Variants in VEZT observed in about 807,000 individuals in gnomAD.
The protein encoded by VEZT is vezatin.
A neutral mutation model predicts 79.9 loss-of-function variants in VEZT; 39 were observed. That is an observed-to-expected ratio of 0.49 (90% CI 0.38 to 0.64). The LOEUF is 0.64. VEZT is among the 30% of genes least tolerant of loss of function. VEZT has a pLI of 0.00. For synonymous variants in VEZT, 325 were observed against 327.6 expected (o/e 0.99, Z 0.09); for missense variants, 837 against 893.1 (o/e 0.94, Z 0.80).
At chr12:95,296,826 G>A (rs1284594374) in intron 11 of VEZT, 3 of 152,472 alleles carry the variant, frequency 2.0e-5, no homozygotes, top group Non-Finnish European at 4.4e-5. Flanking sequence ...TGTAGTCCCA[G>A]CTACTCGAGA....
chr12:95,248,334 T>A (rs1416627922), intron 1 of VEZT, among the ~76,000 whole-genome samples: 1 of 152,250 alleles, frequency 6.6e-6, no homozygotes, highest in Non-Finnish European at 1.5e-5. Context: ...ATGATTAATG[T>A]GCTGTCATTG....
intron 7 of VEZT, among the ~76,000 whole-genome samples, chr12:95,275,295 T>C (rs1042607309): frequency 6.6e-6 from 1 of 152,160 alleles, no homozygotes; most frequent in Non-Finnish European, 1.5e-5. Context: ...TTTAGCTACA[T>C]AGAAATTAAA....
At chr12:95,221,932 A>G (rs960594810) in intron 1 of VEZT, among the ~76,000 whole-genome samples, 6 of 152,234 alleles carry the variant, frequency 3.9e-5, no homozygotes, top group African/African-American at 1.2e-4. Context: ...ACATTGTATT[A>G]GGTATTACAA....
chr12:95,227,860 T>C (rs538518058), intron 1 of VEZT, among the ~76,000 whole-genome samples: 1 of 152,348 alleles, frequency 6.6e-6, no homozygotes, highest in South Asian at 2.1e-4. Flanking sequence ...GAAAGACTAA[T>C]TTTTCTGCCT....
chr12:95,235,156 C>T (rs2137024580), intron 1 of VEZT, among the ~76,000 whole-genome samples: 1 of 152,266 alleles, frequency 6.6e-6, no homozygotes, highest in African/African-American at 2.4e-5. Context: ...ATGGCCCGTT[C>T]TCAACGAGCT....
intron 1 of VEZT, among the ~76,000 whole-genome samples, chr12:95,228,277 A>T (rs1335685465): frequency 6.6e-6 from 1 of 152,148 alleles, no homozygotes; most frequent in African/African-American, 2.4e-5. Flanking sequence ...TCCTCGAGAG[A>T]TTCCCTTTTC....
intron 8 of VEZT, among the ~76,000 whole-genome samples, chr12:95,284,632 T>C (rs527428332): frequency 2.6e-5 from 4 of 152,354 alleles, no homozygotes; most frequent in East Asian, 1.9e-4. Flanking sequence ...TTTCCTTCAG[T>C]CCAGCCAAAC....
chr12:95,250,407 AT>A (rs548457631), intron 1 of VEZT, among the ~76,000 whole-genome samples: 39 of 148,838 alleles, frequency 2.6e-4, no homozygotes, highest in Non-Finnish European at 4.6e-4. Flanking sequence ...GGTTCAAGCC[AT>A]TCTCCCGCCT....
At chr12:95,226,992 A>G (rs370469257) in intron 1 of VEZT, among the ~76,000 whole-genome samples, 28 of 152,366 alleles carry the variant, frequency 1.8e-4, no homozygotes, top group East Asian at 1.3e-3. Flanking sequence ...CTAAACAGCA[A>G]CAGAACAAAG....
chr12:95,217,811 A>G lies in VEZT; in HGVS notation c.-40A>G, dbSNP rs2056904054. 6.4e-7 allele frequency: 1 copy of G among 1,551,802 alleles called. No homozygotes were observed. The highest frequency in any genetic ancestry group is 1.2e-5 in the South Asian group (1 of 83,988). The stretch of plus-strand genomic sequence containing the variant: ...CCGTGCCGCCTGTACTCCCGCCTTC[A>G]TTTCCCATCGTGCTGAGGCGGGTGG... On this transcript the variant is annotated 5_prime_UTR_variant, in exon 1 of 12. Coordinates refer to ENST00000436874, the MANE Select transcript of VEZT (RefSeq NM_017599.4).
chr12:95,274,985 C>T (rs2067349293), intron 7 of VEZT, 96 bp downstream of exon 7: 4 of 1,424,016 alleles, frequency 2.8e-6, no homozygotes, highest in Non-Finnish European at 3.7e-6. Flanking sequence ...TTGTTCCACT[C>T]ATTGTTTGCT....
chr12:95,225,508 G>C (rs551900013), intron 1 of VEZT, among the ~76,000 whole-genome samples: 58 of 152,222 alleles, frequency 3.8e-4, no homozygotes, highest in African/African-American at 1.4e-3. Flanking sequence ...AGTGAGCCAA[G>C]ATCGCGCCAC....
chr12:95,287,775 C>T lies in VEZT; in HGVS notation c.1440C>T (p.Pro480=). ...AACAGAAATTAAAGTTGATTCAGCC[C>T]CACGTTCAAGCAAGCAACAATTGCT... ...ILEQKLKLIQ[P]HVQASNNCWE... The change falls in exon 9 of 12, where the codon CCC becomes CCT. Residue 480 remains proline, a synonymous_variant. Transcript: ENST00000436874. The T allele has an allele frequency of 1.2e-6, 2 of 1,608,348 alleles. No individual in the cohort carries two copies. The highest frequency in any genetic ancestry group is 8.5e-7 in the Non-Finnish European group (1 of 1,177,184).
At chr12:95,240,560 T>C (rs535453266) in intron 1 of VEZT, among the ~76,000 whole-genome samples, 14 of 152,328 alleles carry the variant, frequency 9.2e-5, no homozygotes, top group Admixed American at 8.5e-4. Flanking sequence ...TATTTAAAGG[T>C]TCATATTGAT....
rs10626291 is a variant in VEZT at position 95,261,005 on chromosome 12, T to TAAAAAAAAA, written c.259-1893_259-1885dup. 3.0e-5 allele frequency among the ~76,000 whole-genome samples: 4 copies of TAAAAAAAAA among 131,294 alleles called. 1 individual carries two copies. The highest frequency in any genetic ancestry group is 8.5e-5 in the African/African-American group (3 of 35,258). 86.1% of individuals were successfully genotyped at this position (131,294 alleles called of 152,430 possible). On this transcript the variant is annotated intron_variant, in intron 3 of 11. Transcript: ENST00000436874. ...ACATGCAGAGTGTGTCAGTAGATGG[T>TAAAAAAAAA]AAAAAAAAAAAAAAAAGCCATATCA... is the stretch of plus-strand genomic sequence containing the variant.
intron 11 of VEZT, chr12:95,299,409 C>T (rs932859730): frequency 6.6e-6 from 1 of 152,494 alleles, no homozygotes; most frequent in Non-Finnish European, 1.5e-5. Flanking sequence ...CTTGCAAGGA[C>T]AACTTCTACC....
chr12:95,244,261 C>T (rs375391697), intron 1 of VEZT, among the ~76,000 whole-genome samples: 1 of 151,868 alleles, frequency 6.6e-6, no homozygotes, highest in Non-Finnish European at 1.5e-5. Flanking sequence ...CATAATGGCA[C>T]ATACCTGTAG....
At chr12:95,284,254 G>A (rs1388864719) in intron 8 of VEZT, among the ~76,000 whole-genome samples, 1 of 152,184 alleles carries the variant, frequency 6.6e-6, no homozygotes, top group Non-Finnish European at 1.5e-5. Context: ...GCTCTGTAGT[G>A]CTGCTACATA....
chr12:95,282,667 GA>G (rs771603719), intron 8 of VEZT, 23 bp downstream of exon 8: 2 of 1,552,324 alleles, frequency 1.3e-6, no homozygotes, highest in South Asian at 2.5e-5. Context: ...ATTATACCAA[GA>G]AAGGTCTCGG....
Sources: gnomAD v4.1 joint callset for allele counts (sites outside exome capture counted in the v4.1 genomes callset) on GRCh38, gnomAD v4.1.1 for gene constraint, MANE v1.5 for transcripts, NCBI Gene and HGNC (gene_info 2026-07-23, HGNC 2026-07-21) for gene names.